MPDZ: variants seen among roughly 807,000 people sequenced by gnomAD.
MPDZ encodes the protein multiple PDZ domain crumbs cell polarity complex component.
In MPDZ, 234 loss-of-function variants were observed where a neutral mutation model predicts 239.1. The observed-to-expected ratio is 0.98, with a 90% CI of 0.88 to 1.09. The LOEUF (loss-of-function observed/expected upper bound fraction) is 1.09, where lower values mean the gene tolerates loss of function less well. Among genes scored for constraint, MPDZ ranks in the 50% least tolerant of loss-of-function variants. The pLI is 0.00. For missense variants in MPDZ, 3,175 were observed against 2,510.0 expected (o/e 1.26, Z -5.66); for synonymous variants, 1,048 against 881.3 (o/e 1.19, Z -3.35).
At chr9:13,217,352 A>C (rs1564057137) in intron 8 of MPDZ, 58 bp from the exon 9 acceptor site, 7 of 1,110,378 alleles carry the variant, frequency 6.3e-6, no homozygotes, top group South Asian at 4.5e-5. Context: ...CAAAAAACAA[A>C]AAACAAACAA....
chr9:13,123,355 T>C, intron 35 of MPDZ, 57 bp from the exon 36 acceptor site: 1 of 1,445,500 alleles, frequency 6.9e-7, no homozygotes, highest in African/African-American at 1.4e-5. Context: ...GGCATATCCA[T>C]CAAACTCATC....
At chr9:13,198,748 T>C (rs1383936938) in intron 12 of MPDZ, among the ~76,000 whole-genome samples, 1 of 139,820 alleles carries the variant, frequency 7.2e-6, no homozygotes, top group Non-Finnish European at 1.5e-5. Context: ...TGTGTGTGTG[T>C]GTGTGTGTGT....
chr9:13,109,321 G>A (rs1052827753), intron 45 of MPDZ, among the ~76,000 whole-genome samples: 1 of 151,912 alleles, frequency 6.6e-6, no homozygotes, highest in Admixed American at 6.6e-5. Flanking sequence ...ACATATTCAT[G>A]GCATGTTCTC....
chr9:13,150,057 TA>T (rs1469150367), intron 25 of MPDZ, among the ~76,000 whole-genome samples: 7 of 152,104 alleles, frequency 4.6e-5, no homozygotes, highest in African/African-American at 1.7e-4. Flanking sequence ...CTCATTAACT[TA>T]ATTATATCTA....
rs113523318 is a variant in MPDZ, at chr9:13,106,919, T to G, written c.*46A>C. 1 of 1,602,186 alleles carries G rather than the reference T, an allele frequency of 6.2e-7. No individual in the cohort carries two copies. Among genetic ancestry groups the G allele is most frequent in the South Asian group, 1.1e-5 (1 of 90,170 alleles). On this transcript the variant is annotated 3_prime_UTR_variant, in exon 47 of 47. Coordinates refer to ENST00000319217, the MANE Select transcript of MPDZ (RefSeq NM_001378778.1). ...CAGGACCAGTGCATTCTCTTTACAGTAGGAGGTGAGCTAGGGGTTGGGTTG... is the reference window on the plus strand; with the variant it reads ...CAGGACCAGTGCATTCTCTTTACAGGAGGAGGTGAGCTAGGGGTTGGGTTG...
intron 22 of MPDZ, among the ~76,000 whole-genome samples, chr9:13,163,101 T>G (rs1416188071): frequency 6.6e-6 from 1 of 152,178 alleles, no homozygotes; most frequent in Non-Finnish European, 1.5e-5. Flanking sequence ...CAACAATTTT[T>G]TTTAAATTAG....
chr9:13,155,523 A>G (rs1949710979), intron 24 of MPDZ, among the ~76,000 whole-genome samples: 1 of 152,210 alleles, frequency 6.6e-6, no homozygotes, highest in African/African-American at 2.4e-5. Context: ...CAAGCTTGAT[A>G]GATTTACAAA....
At chr9:13,247,834 G>C (rs1206671543) in intron 2 of MPDZ, 33 bp from the exon 3 acceptor site, 5 of 1,562,700 alleles carry the variant, frequency 3.2e-6, no homozygotes, top group Non-Finnish European at 4.4e-6. Context: ...TCAATAACAG[G>C]ATTCAAAGGA....
intron 21 of MPDZ, among the ~76,000 whole-genome samples, chr9:13,169,892 G>A (rs1951567476): frequency 6.6e-6 from 1 of 152,116 alleles, no homozygotes; most frequent in South Asian, 2.1e-4. Flanking sequence ...TCTTTCTGCA[G>A]CTCTTGCACA....
At chr9:13,174,404 T>C (rs577010483) in intron 21 of MPDZ, among the ~76,000 whole-genome samples, 6 of 152,210 alleles carry the variant, frequency 3.9e-5, no homozygotes, top group Non-Finnish European at 8.8e-5. Flanking sequence ...AGTTCTCAGA[T>C]AGGCTTTGCA....
rs1438916114 is a variant in MPDZ at position 13,106,234 on chromosome 9, A to C, written c.*731T>G. 2 of 152,190 alleles carry C rather than the reference A, an allele frequency of 1.3e-5. No homozygotes were observed. The highest frequency in any genetic ancestry group is 4.8e-5 in the African/African-American group (2 of 41,454). The allele number at this position is 152,190 out of a possible 1,614,324, so 9.4% of individuals were successfully genotyped here. On this transcript the variant is annotated 3_prime_UTR_variant, in exon 47 of 47. Coordinates refer to ENST00000319217, the MANE Select transcript of MPDZ (RefSeq NM_001378778.1). ...CATGGGGTGGCATCATCATTTACTT[A>C]TAGCAACATGAAAATATTTTACAAA...
chr9:13,151,141 AAC>A lies in MPDZ; in HGVS notation c.3453-455_3453-454del, dbSNP rs113800698. On this transcript the variant is annotated intron_variant, in intron 24 of 46. Coordinates refer to ENST00000319217, the MANE Select transcript of MPDZ (RefSeq NM_001378778.1). ...AACAGGATGGCTACTACCTACTAAA[AAC>A]ACACACACACACACACACAAATTAA... 3.1e-4 allele frequency among the ~76,000 whole-genome samples: 47 copies of A among 150,414 alleles called. 1 individual carries two copies. The highest frequency in any genetic ancestry group is 1.6e-3 in the East Asian group (8 of 5,120).
At position 13,190,265 on chromosome 9, in the gene MPDZ, G is replaced by C; in HGVS notation, c.2003C>G (p.Ser668Ter). Residue 668 changes from serine (S) to a stop codon, truncating the protein, a stop_gained, in exon 16 of 47, where the codon TCA becomes TGA. Coordinates refer to ENST00000319217, the MANE Select transcript of MPDZ (RefSeq NM_001378778.1). LOFTEE classifies it high-confidence loss of function. Reference sequence around the variant, plus strand: ...CGCCAGCACTGGATCCTCTGTCTCTGATGACCCGATGAACTCACCTAGATC... The same window carrying C: ...CGCCAGCACTGGATCCTCTGTCTCTCATGACCCGATGAACTCACCTAGATC... ...HVDLGEFIGS[S>*]ETEDPVLAMT... 6.2e-7 allele frequency: 1 copy of C among 1,607,498 alleles called. No individual in the cohort carries two copies. The highest frequency in any genetic ancestry group is 8.5e-7 in the Non-Finnish European group (1 of 1,177,268).
Position 13,133,924 on chromosome 9 carries a change from G to C in MPDZ, c.4384-20C>G. The stretch of plus-strand genomic sequence containing the variant: ...CTCTGTCTGACAGAGGGAAAGAAAT[G>C]ACAAAAAGAGCAACTGAGTGTTAGG... On this transcript the variant is annotated intron_variant, in intron 31 of 46. Coordinates refer to ENST00000319217, the MANE Select transcript of MPDZ (RefSeq NM_001378778.1). 1 of 1,412,238 alleles carries C rather than the reference G, an allele frequency of 7.1e-7. No homozygotes were observed. The highest frequency in any genetic ancestry group is 2.5e-5 in the East Asian group (1 of 39,872). The allele number at this position is 1,412,238 out of a possible 1,614,324, so 87.5% of individuals were successfully genotyped here.
At chr9:13,197,533 T>C (rs1340805728) in intron 12 of MPDZ, among the ~76,000 whole-genome samples, 4 of 152,184 alleles carry the variant, frequency 2.6e-5, no homozygotes, top group Admixed American at 1.3e-4. Context: ...TTGATACATG[T>C]ATATAATGTG....
Position 13,109,049 on chromosome 9 carries a change from A to C in MPDZ, c.5953T>G (p.Cys1985Gly). Residue 1985 changes from cysteine to glycine, a missense_variant, in exon 46 of 47, where the codon TGT becomes GGT. By Grantham distance (159) the Cys-to-Gly change is radical. Transcript: ENST00000319217. ...IFQDDLGPPQ[C>G]KSITLERGPD... ...CCTCGCTCTAGTGTAATAGACTTACATTGAGGAGGTCTACGGTGAAGGAAA... is the reference window on the plus strand; with the variant it reads ...CCTCGCTCTAGTGTAATAGACTTACCTTGAGGAGGTCTACGGTGAAGGAAA... The C allele has an allele frequency of 6.6e-7, 1 of 1,511,642 alleles. No homozygotes were observed. The highest frequency in any genetic ancestry group is 8.9e-7 in the Non-Finnish European group (1 of 1,124,958). 93.6% of individuals were successfully genotyped at this position (1,511,642 alleles called of 1,614,324 possible).
chr9:13,118,261 T>C (rs1240200968), intron 39 of MPDZ, among the ~76,000 whole-genome samples: 1 of 152,212 alleles, frequency 6.6e-6, no homozygotes, highest in Non-Finnish European at 1.5e-5. Context: ...TTTTAATGTG[T>C]CTCCAAAAAG....
At chr9:13,262,316 G>C (rs575656830) in intron 1 of MPDZ, among the ~76,000 whole-genome samples, 55 of 152,094 alleles carry the variant, frequency 3.6e-4, no homozygotes, top group African/African-American at 1.3e-3. Flanking sequence ...CAGGAGTGGT[G>C]GTACACACCT....
chr9:13,189,080 T>G, intron 16 of MPDZ, 87 bp from the exon 17 acceptor site: 1 of 1,151,250 alleles, frequency 8.7e-7, no homozygotes, highest in South Asian at 1.6e-5. Flanking sequence ...AACGAATGAG[T>G]AATTGTCTCA....
Sources: gnomAD v4.1 joint callset for allele counts (sites outside exome capture counted in the v4.1 genomes callset) on GRCh38, gnomAD v4.1.1 for gene constraint, MANE v1.5 for transcripts, NCBI Gene and HGNC (gene_info 2026-07-23, HGNC 2026-07-21) for gene names.